The following GABRB2 variants were observed in gnomAD, a reference collection of about 807,000 sequenced individuals.
GABRB2 encodes the protein gamma-aminobutyric acid receptor subunit beta-2.
Under a neutral mutation model 54.7 loss-of-function variants are expected in GABRB2, and 16 were observed. The ratio of observed to expected loss-of-function variants is 0.29; its 90% CI spans 0.20 to 0.44. The LOEUF is 0.44. GABRB2 is among the 20% of genes least tolerant of loss of function. The pLI, the probability that GABRB2 is intolerant of heterozygous loss-of-function variation, is 1.00. For synonymous variants in GABRB2, 244 were observed against 233.8 expected (o/e 1.04, Z -0.40); for missense variants, 355 against 644.0 (o/e 0.55, Z 4.86).
chr5:161,507,203 T>G (rs2962422), intron 3 of GABRB2, among the ~76,000 whole-genome samples: 3,767 of 152,064 alleles, frequency 0.025, 78 homozygotes, highest in East Asian at 0.11. Context: ...CAAACAAATG[T>G]AATGTAGTAT....
chr5:161,299,001 C>T (rs569169129), intron 9 of GABRB2, among the ~76,000 whole-genome samples: 103 of 152,240 alleles, frequency 6.8e-4, no homozygotes, highest in African/African-American at 2.4e-3. Flanking sequence ...CCCAGATAAT[C>T]CCTGCAGCAT....
chr5:161,424,920 T>C (rs1756954333), intron 4 of GABRB2, among the ~76,000 whole-genome samples: 1 of 152,084 alleles, frequency 6.6e-6, no homozygotes, highest in Non-Finnish European at 1.5e-5. Flanking sequence ...TTAGAATAAG[T>C]TGATTCTACT....
chr5:161,338,462 T>G (rs1459065967), intron 5 of GABRB2, among the ~76,000 whole-genome samples: 10 of 152,148 alleles, frequency 6.6e-5, no homozygotes, highest in Non-Finnish European at 1.5e-4. Flanking sequence ...TGCTTTGCTA[T>G]AAATTCTTTT....
At chr5:161,412,468 G>A (rs1008905983) in intron 4 of GABRB2, among the ~76,000 whole-genome samples, 1 of 152,000 alleles carries the variant, frequency 6.6e-6, no homozygotes, top group Non-Finnish European at 1.5e-5. Context: ...ATCACTGCAG[G>A]AGCTTGGTCT....
At chr5:161,376,251 G>A (rs983960950) in intron 5 of GABRB2, among the ~76,000 whole-genome samples, 1 of 152,158 alleles carries the variant, frequency 6.6e-6, no homozygotes, top group Non-Finnish European at 1.5e-5. Flanking sequence ...AAAGACATGT[G>A]ATGGGTTGAT....
At chr5:161,398,048 T>C (rs564830713) in intron 5 of GABRB2, among the ~76,000 whole-genome samples, 14 of 152,200 alleles carry the variant, frequency 9.2e-5, no homozygotes, top group African/African-American at 3.4e-4. Context: ...GACAGATAGA[T>C]AGATAGATAG....
chr5:161,334,601 A>G, intron 7 of GABRB2, 151 bp downstream of exon 7: 1 of 683,356 alleles, frequency 1.5e-6, no homozygotes, highest in South Asian at 2.1e-5. Flanking sequence ...GCTGAATCAG[A>G]TCACCCAAAG....
At chr5:161,529,626 T>C (rs1215773233) in intron 3 of GABRB2, among the ~76,000 whole-genome samples, 2 of 152,088 alleles carry the variant, frequency 1.3e-5, no homozygotes, top group Non-Finnish European at 2.9e-5. Context: ...TAAAGTTACA[T>C]TTCATTTCAC....
intron 4 of GABRB2, among the ~76,000 whole-genome samples, chr5:161,417,189 A>G (rs1756703373): frequency 6.6e-6 from 1 of 152,188 alleles, no homozygotes; most frequent in African/African-American, 2.4e-5. Flanking sequence ...CCCTTATAAT[A>G]TGCTCTTATG....
intron 5 of GABRB2, among the ~76,000 whole-genome samples, chr5:161,339,236 C>A (rs554983427): frequency 1.3e-5 from 2 of 152,134 alleles, no homozygotes; most frequent in Non-Finnish European, 2.9e-5. Flanking sequence ...AGATGGTAAT[C>A]ATTTCCCATG....
intron 3 of GABRB2, among the ~76,000 whole-genome samples, chr5:161,536,231 A>G (rs1760630196): frequency 2.6e-5 from 4 of 152,138 alleles, no homozygotes; most frequent in Admixed American, 2.6e-4. Flanking sequence ...GAGAATGTTG[A>G]GCGCTGTACG....
intron 5 of GABRB2, among the ~76,000 whole-genome samples, chr5:161,395,584 G>A (rs1318132384): frequency 6.6e-6 from 1 of 152,144 alleles, no homozygotes; most frequent in African/African-American, 2.4e-5. Context: ...AAACTCCTGT[G>A]AAGAAATGTT....
At chr5:161,438,208 CTT>C (rs1443361678) in intron 4 of GABRB2, among the ~76,000 whole-genome samples, 1 of 152,188 alleles carries the variant, frequency 6.6e-6, no homozygotes, top group African/African-American at 2.4e-5. Flanking sequence ...GAGAAAGAGA[CTT>C]TGTATGTTTG....
At position 161,496,355 on chromosome 5, in the gene GABRB2, CTAGTT is replaced by C. The variant is rs527761890; in HGVS notation, c.238-36516_238-36512del. Among the ~76,000 whole-genome samples, 653 of 152,064 alleles carry C rather than the reference CTAGTT, an allele frequency of 4.3e-3. 7 individuals carry two copies. The highest frequency in any genetic ancestry group is 0.015 in the African/African-American group (621 of 41,488). On this transcript the variant is annotated intron_variant, in intron 3 of 9. Coordinates refer to ENST00000393959, the MANE Select transcript of GABRB2 (RefSeq NM_001371727.1). ...ATTCATTTTTTAATTTATTTAGTCTCTAGTTAAGATTATTTTCTCAAAATTAAAAT... is the reference window on the plus strand; with the variant it reads ...ATTCATTTTTTAATTTATTTAGTCTCAAGATTATTTTCTCAAAATTAAAAT...
At chr5:161,327,062 A>ACACACACG (rs1758388573) in intron 8 of GABRB2, 1 of 603,198 alleles carries the variant, frequency 1.7e-6, no homozygotes, top group Admixed American at 6.4e-5. Context: ...ACACACACAC[A>ACACACACG]CACACACACA....
chr5:161,392,090 AGTATTAAT>A (rs1182869096), intron 5 of GABRB2, among the ~76,000 whole-genome samples: 1 of 152,176 alleles, frequency 6.6e-6, no homozygotes, highest in Non-Finnish European at 1.5e-5. Flanking sequence ...ATGACAGCAG[AGTATTAAT>A]GTGAGGCCCT....
chr5:161,385,948 GTGTGTGTGTGT>G (rs757411747), intron 5 of GABRB2, among the ~76,000 whole-genome samples: 10,650 of 108,264 alleles, frequency 0.098, 481 homozygotes, highest in East Asian at 0.22. Context: ...CTATTGTCTG[GTGTGTGTGTGT>G]GTGTGTGTGT....
At chr5:161,482,095 C>G (rs1327087436) in intron 3 of GABRB2, among the ~76,000 whole-genome samples, 6 of 152,036 alleles carry the variant, frequency 3.9e-5, no homozygotes, top group Non-Finnish European at 8.8e-5. Flanking sequence ...TCTCAAACTC[C>G]TTTCCCATTC....
chr5:161,396,846 T>C (rs761830561), intron 5 of GABRB2, among the ~76,000 whole-genome samples: 1 of 152,170 alleles, frequency 6.6e-6, no homozygotes, highest in Admixed American at 6.5e-5. Flanking sequence ...CAGGAGTAAA[T>C]TAATTCCAAT....
Sources: allele counts gnomAD v4.1 joint callset (sites outside exome capture counted in the v4.1 genomes callset), GRCh38; gene constraint gnomAD v4.1.1; transcripts MANE v1.5; gene names NCBI Gene and HGNC (gene_info 2026-07-23, HGNC 2026-07-21).